Variants in GRIK5 observed in about 807,000 individuals in gnomAD.
GRIK5 encodes glutamate ionotropic receptor kainate type subunit 5.
A neutral mutation model predicts 97.4 loss-of-function variants in GRIK5; 43 were observed. The ratio of observed to expected loss-of-function variants is 0.44; its 90% CI spans 0.35 to 0.57. GRIK5 has a LOEUF of 0.57. Ranked by LOEUF, GRIK5 falls within the 20% of genes least tolerant of loss-of-function variation. The probability of loss-of-function intolerance (pLI) is 0.01; values close to 1 mark genes in which losing one functional copy is unlikely to be tolerated. For synonymous variants in GRIK5, 580 were observed against 583.5 expected (o/e 0.99, Z 0.09); for missense variants, 1,015 against 1,382.0 (o/e 0.73, Z 4.21).
chr19:42,013,865 C>A (rs2075594932), intron 15 of GRIK5, among the ~76,000 whole-genome samples: 1 of 147,024 alleles, frequency 6.8e-6, no homozygotes, highest in Admixed American at 6.8e-5. Context: ...TCGTCTCTAC[C>A]AAAAATAAAA....
chr19:42,029,067 C>CA (rs974585362), intron 12 of GRIK5, among the ~76,000 whole-genome samples: 3 of 151,538 alleles, frequency 2.0e-5, no homozygotes, highest in East Asian at 1.9e-4. Context: ...CCCATCTCTA[C>CA]AAAAAAAAAT....
intron 12 of GRIK5, among the ~76,000 whole-genome samples, chr19:42,030,765 C>T (rs965542914): frequency 6.6e-6 from 1 of 152,098 alleles, no homozygotes. Context: ...CATCTGGCAA[C>T]CGGCGCTGTT....
At chr19:42,028,335 A>G (rs1439762854) in intron 12 of GRIK5, among the ~76,000 whole-genome samples, 1 of 152,134 alleles carries the variant, frequency 6.6e-6, no homozygotes, top group Non-Finnish European at 1.5e-5. Context: ...CTCAGCTCCC[A>G]ACCCATCCTG....
rs1555870312 is a variant in GRIK5, at chr19:41,999,192, C to T, written c.2622G>A (p.Leu874=). Reference sequence around the variant, plus strand: ...TCTCGCGGACCGCGCGCAGTGACAGCAGGGCCCGGCTCGGGCCGCCCGGGC... The same window carrying T: ...TCTCGCGGACCGCGCGCAGTGACAGTAGGGCCCGGCTCGGGCCGCCCGGGC... ...RRRPGGPSRA[L]LSLRAVREMR... Residue 874 remains leucine (L), a synonymous_variant, in exon 20 of 20, where the codon CTG becomes CTA. Transcript: ENST00000593562. The surrounding 1 kb of genome is among the most constrained non-coding windows in gnomAD (Gnocchi z 5.0). 6.6e-7 allele frequency: 1 copy of T among 1,516,048 alleles called. No individual in the cohort carries two copies. The highest frequency in any genetic ancestry group is 2.0e-5 in the Admixed American group (1 of 49,230). 93.9% of individuals were successfully genotyped at this position (1,516,048 alleles called of 1,614,324 possible).
rs575432415 is a variant in GRIK5, at chr19:42,033,915, G to A, written c.1473+8637C>T. 3.3e-5 allele frequency among the ~76,000 whole-genome samples: 5 copies of A among 152,322 alleles called. No homozygotes were observed. The East Asian group carries it at 9.6e-4, about 29-fold the overall frequency. ...TTTGGGTGGCTGAGGCACAGGAATT[G>A]TTTGAACCCAGGAGGTGGAGGTCGC... On this transcript the variant is annotated intron_variant, in intron 12 of 19. Coordinates refer to ENST00000593562, the MANE Select transcript of GRIK5 (RefSeq NM_002088.5).
At chr19:42,010,066 C>CAAA (rs60561027) in intron 15 of GRIK5, among the ~76,000 whole-genome samples, 1 of 104,106 alleles carries the variant, frequency 9.6e-6, no homozygotes, top group African/African-American at 3.8e-5. Context: ...AACTCCATCT[C>CAAA]AAAAAAAAAA....
At chr19:42,057,029 G>A (rs1400379176) in intron 6 of GRIK5, 51 bp from the exon 7 acceptor site, 7 of 1,362,544 alleles carry the variant, frequency 5.1e-6, no homozygotes, top group Middle Eastern at 1.8e-4. Context: ...AGACCCACAG[G>A]CAGAGATGGG....
chr19:42,042,601 G>A lies in GRIK5; in HGVS notation c.1424C>T (p.Pro475Leu). 6.2e-7 allele frequency: 1 copy of A among 1,612,488 alleles called. No individual in the cohort carries two copies. Among genetic ancestry groups the A allele is most frequent in the Non-Finnish European group, 8.5e-7 (1 of 1,179,892 alleles). The change falls in exon 12 of 20, where the codon CCC (proline) becomes CTC (leucine). Residue 475 changes from proline to leucine, a missense_variant. By Grantham distance (98) the Pro-to-Leu change is moderately conservative. Coordinates refer to ENST00000593562, the MANE Select transcript of GRIK5 (RefSeq NM_002088.5). The surrounding 1 kb of genome is among the most constrained non-coding windows in gnomAD (Gnocchi z 6.9). ...GCCCGTCCAGGAGCCGTTGGGCTCG[G>A]GCGCCCCGTACAGCCCATCCTCCAC... ...RLVEDGLYGA[P>L]EPNGSWTGMV...
At chr19:42,052,115 G>A (rs962686815) in intron 11 of GRIK5, among the ~76,000 whole-genome samples, 1 of 152,200 alleles carries the variant, frequency 6.6e-6, no homozygotes, top group African/African-American at 2.4e-5. Flanking sequence ...AATATTTATG[G>A]AATGAATAAG....
At chr19:42,000,583 G>A (rs1599736786) in intron 19 of GRIK5, among the ~76,000 whole-genome samples, 1 of 152,168 alleles carries the variant, frequency 6.6e-6, no homozygotes, top group East Asian at 1.9e-4. Flanking sequence ...TACCAAGTGT[G>A]GAGCTGAAGT....
At chr19:42,061,140 C>T (rs997095669) in intron 5 of GRIK5, among the ~76,000 whole-genome samples, 2 of 152,162 alleles carry the variant, frequency 1.3e-5, no homozygotes, top group African/African-American at 4.8e-5. Flanking sequence ...CTCCACCTCC[C>T]GGGTTCACGC....
chr19:42,060,136 T>C (rs188594074), intron 5 of GRIK5, among the ~76,000 whole-genome samples: 23 of 151,770 alleles, frequency 1.5e-4, no homozygotes, highest in Admixed American at 1.4e-3. Context: ...GCCAAAGTCC[T>C]CACAGCCTCC....
intron 19 of GRIK5, among the ~76,000 whole-genome samples, chr19:42,001,187 T>C (rs2075420290): frequency 6.6e-6 from 1 of 152,202 alleles, no homozygotes; most frequent in Admixed American, 6.5e-5. Flanking sequence ...AATCGTAAGC[T>C]GTTTCCCCTT....
chr19:42,028,835 G>C (rs1000997116), intron 12 of GRIK5, among the ~76,000 whole-genome samples: 1 of 152,236 alleles, frequency 6.6e-6, no homozygotes, highest in African/African-American at 2.4e-5. Context: ...GGAACACAGT[G>C]ATGCCCACTA....
chr19:42,053,834 GC>G lies in GRIK5; in HGVS notation c.1151del (p.Gly384AlafsTer16). On this transcript the variant is annotated frameshift_variant, in exon 10 of 20. Transcript: ENST00000593562. LOFTEE classifies it high-confidence loss of function. The stretch of plus-strand genomic sequence containing the variant: ...CCCTGGGTCTGCTCACCTCACGGTG[GC>G]CCTGCCGGGACTTTTCTAGGATGCG... ...TLRILEKSRQ[G>X]HREIGVWYSN... The G allele has an allele frequency of 6.2e-7, 1 of 1,611,464 alleles. No individual in the cohort carries two copies. The highest frequency in any genetic ancestry group is 8.5e-7 in the Non-Finnish European group (1 of 1,177,546).
At chr19:42,050,337 C>T (rs191140076) in intron 11 of GRIK5, among the ~76,000 whole-genome samples, 1 of 152,158 alleles carries the variant, frequency 6.6e-6, no homozygotes, top group African/African-American at 2.4e-5. Flanking sequence ...AGGACACAGC[C>T]CTGAGGGCTC....
intron 12 of GRIK5, among the ~76,000 whole-genome samples, chr19:42,024,133 AC>A (rs1175335113): frequency 1.6e-5 from 2 of 125,240 alleles, no homozygotes; most frequent in Non-Finnish European, 3.4e-5. Context: ...CATCACACCC[AC>A]CCCTTCAGCC....
chr19:42,050,934 T>C (rs1461830570), intron 11 of GRIK5, among the ~76,000 whole-genome samples: 5 of 152,140 alleles, frequency 3.3e-5, no homozygotes, highest in Non-Finnish European at 2.9e-5. Context: ...AAGGGCCTTC[T>C]TAGCTCATGT....
chr19:41,999,134 C>G lies in GRIK5; in HGVS notation c.2680G>C (p.Gly894Arg). 1 of 1,443,752 alleles carries G rather than the reference C, an allele frequency of 6.9e-7. No individual in the cohort carries two copies. Among genetic ancestry groups the G allele is most frequent in the Non-Finnish European group, 9.0e-7 (1 of 1,105,278 alleles). 89.4% of individuals were successfully genotyped at this position (1,443,752 alleles called of 1,614,324 possible). The change falls in exon 20 of 20, where the codon GGC (glycine) becomes CGC (arginine). Residue 894 changes from glycine (G) to arginine (R), a missense_variant. By Grantham distance (125) the Gly-to-Arg change is moderately radical (BLOSUM62 -2). Transcript: ENST00000593562. The surrounding 1 kb of genome is among the most constrained non-coding windows in gnomAD (Gnocchi z 5.0). Reference sequence around the variant, plus strand: ...GCGCTGCCCGCATCCCCGCCCGCGCCGGCCGAGTAGAGCTTGCCGTTGCTG... The same window carrying G: ...GCGCTGCCCGCATCCCCGCCCGCGCGGGCCGAGTAGAGCTTGCCGTTGCTG... ...RLSNGKLYSA[G>R]AGGDAGSAHG...
Sources: gnomAD v4.1 joint callset for allele counts (sites outside exome capture counted in the v4.1 genomes callset) on GRCh38, gnomAD v4.1.1 for gene constraint, Gnocchi (gnomAD v3.1) non-coding constraint, MANE v1.5 for transcripts, NCBI Gene and HGNC (gene_info 2026-07-23, HGNC 2026-07-21) for gene names.